Variants in PHACTR1 observed in about 807,000 individuals in gnomAD.
PHACTR1 encodes the protein RPEL repeat containing 1.
Under a neutral mutation model 69.2 loss-of-function variants are expected in PHACTR1, and 16 were observed. The ratio of observed to expected loss-of-function variants is 0.23; its 90% CI spans 0.16 to 0.35. PHACTR1 has a LOEUF of 0.35. Ranked by LOEUF, PHACTR1 falls within the 10% of genes least tolerant of loss-of-function variation. PHACTR1 has a pLI of 1.00. For missense variants in PHACTR1, 510 were observed against 734.7 expected (o/e 0.69, Z 3.54); for synonymous variants, 312 against 284.5 (o/e 1.10, Z -0.97).
At position 13,227,921 on chromosome 6, in the gene PHACTR1, A is replaced by G. The variant is rs757596552; in HGVS notation, c.1092A>G (p.Gln364=). 4.3e-6 allele frequency: 7 copies of G among 1,613,920 alleles called. No homozygotes were observed. The highest frequency in any genetic ancestry group is 1.7e-5 in the Admixed American group (1 of 60,012). ...AGPMGLPEIR[Q]VPTVVIECDD... ...CTATGGGCCTTCCAGAAATAAGACA[A>G]GTGCCAACTGTTGTGATTGAATGTG... The change falls in exon 9 of 15, where the codon CAA becomes CAG. Residue 364 remains glutamine, a synonymous_variant. Coordinates refer to ENST00000332995, the MANE Select transcript of PHACTR1 (RefSeq NM_030948.6).
At chr6:12,821,492 AG>A (rs1776213518) in intron 4 of PHACTR1, among the ~76,000 whole-genome samples, 1 of 145,478 alleles carries the variant, frequency 6.9e-6, no homozygotes, top group Non-Finnish European at 1.5e-5. Context: ...AAAGAGAGAG[AG>A]AGAGAGAGAG....
chr6:13,281,165 G>C, intron 12 of PHACTR1: 2 of 1,259,324 alleles, frequency 1.6e-6, no homozygotes, highest in South Asian at 2.6e-5. Flanking sequence ...CTCTGCCATA[G>C]ATAGGACATT....
intron 4 of PHACTR1, among the ~76,000 whole-genome samples, chr6:12,777,217 G>A (rs7757205): frequency 0.44 from 66,194 of 149,938 alleles, 15,362 homozygotes; most frequent in African/African-American, 0.55. Flanking sequence ...TTCAGACTAC[G>A]GTTTTATATA....
chr6:12,773,787 T>A (rs1213219517), intron 4 of PHACTR1, among the ~76,000 whole-genome samples: 1 of 152,212 alleles, frequency 6.6e-6, no homozygotes, highest in Non-Finnish European at 1.5e-5. Context: ...TTGACAAAAA[T>A]ACCTAATATT....
At position 13,138,950 on chromosome 6, in the gene PHACTR1, A is replaced by T. The variant is rs138212117; in HGVS notation, c.416-21254A>T. ...GAAGAGTTAGGACTTAGGGTTTCAC[A>T]TATAAGCTTACGTTGATTTTCATCC... On this transcript the variant is annotated intron_variant, in intron 5 of 14. Coordinates refer to ENST00000332995, the MANE Select transcript of PHACTR1 (RefSeq NM_030948.6). 2.0e-5 allele frequency among the ~76,000 whole-genome samples: 3 copies of T among 152,336 alleles called. No homozygotes were observed. The East Asian group carries it at 5.8e-4, about 29-fold the overall frequency.
At chr6:12,853,441 C>G (rs1471063224) in intron 4 of PHACTR1, among the ~76,000 whole-genome samples, 2 of 152,068 alleles carry the variant, frequency 1.3e-5, no homozygotes, top group African/African-American at 2.4e-5. Flanking sequence ...TTTTTAAATG[C>G]TAAGTAGAGA....
At chr6:12,963,863 C>T (rs1176289570) in intron 4 of PHACTR1, among the ~76,000 whole-genome samples, 4 of 152,182 alleles carry the variant, frequency 2.6e-5, no homozygotes, top group Non-Finnish European at 5.9e-5. Context: ...AGTATGTTGG[C>T]ACCTGTATTA....
At chr6:13,111,702 C>T (rs941287104) in intron 5 of PHACTR1, among the ~76,000 whole-genome samples, 33 of 152,292 alleles carry the variant, frequency 2.2e-4, no homozygotes, top group Non-Finnish European at 1.8e-4. Context: ...ATCAATAATG[C>T]GTGTTCACAT....
intron 4 of PHACTR1, among the ~76,000 whole-genome samples, chr6:12,903,081 G>A (rs1785369493): frequency 1.3e-5 from 2 of 152,012 alleles, no homozygotes; most frequent in African/African-American, 2.4e-5. Flanking sequence ...GGTGAAGAGC[G>A]AGGGTCCTGC....
intron 5 of PHACTR1, among the ~76,000 whole-genome samples, chr6:13,101,162 A>G (rs555535640): frequency 1.3e-5 from 2 of 152,372 alleles, no homozygotes; most frequent in East Asian, 3.9e-4. Flanking sequence ...TGGAAATTTC[A>G]AGAGCATAGT....
In PHACTR1 at chr6:12,718,961, T is replaced by G. The variant is rs912693742; in HGVS notation, c.103+114T>G. The G allele has an allele frequency of 9.5e-6, 5 of 527,768 alleles. No individual in the cohort carries two copies. The African/African-American group carries it at 9.5e-5, about 10-fold the overall frequency. 32.7% of individuals were successfully genotyped at this position (527,768 alleles called of 1,614,324 possible). A position where few individuals can be genotyped will look rare whatever the true frequency, so the allele number is the denominator to read the frequency against. On this transcript the variant is annotated intron_variant, in intron 3 of 14. Coordinates refer to ENST00000332995, the MANE Select transcript of PHACTR1 (RefSeq NM_030948.6). Reference sequence around the variant, plus strand: ...CTGAAAGTTTAATAACCGGTATTTCTAAGTTGATAACCTCTACCAAACTGC... The same window carrying G: ...CTGAAAGTTTAATAACCGGTATTTCGAAGTTGATAACCTCTACCAAACTGC...
chr6:12,812,037 T>G (rs1775069302), intron 4 of PHACTR1, among the ~76,000 whole-genome samples: 1 of 152,148 alleles, frequency 6.6e-6, no homozygotes, highest in African/African-American at 2.4e-5. Flanking sequence ...CATTTTAAAC[T>G]GTGCAATTCA....
At chr6:13,114,193 G>C (rs1039002070) in intron 5 of PHACTR1, among the ~76,000 whole-genome samples, 3 of 152,042 alleles carry the variant, frequency 2.0e-5, no homozygotes, top group Non-Finnish European at 2.9e-5. Flanking sequence ...GCCAAGACCT[G>C]CTCTAGCTGC....
At chr6:12,948,202 T>G (rs567054978) in intron 4 of PHACTR1, among the ~76,000 whole-genome samples, 1 of 152,344 alleles carries the variant, frequency 6.6e-6, no homozygotes, top group East Asian at 1.9e-4. Flanking sequence ...TGAAAACACC[T>G]AGTGTCAAGT....
intron 4 of PHACTR1, among the ~76,000 whole-genome samples, chr6:12,917,969 C>T (rs1287576325): frequency 6.6e-6 from 1 of 152,162 alleles, no homozygotes; most frequent in Non-Finnish European, 1.5e-5. Context: ...AAAAGAACCA[C>T]AAAAATGCTA....
chr6:13,250,872 G>C (rs1018716642), intron 10 of PHACTR1, among the ~76,000 whole-genome samples: 2 of 152,246 alleles, frequency 1.3e-5, no homozygotes, highest in Admixed American at 6.5e-5. Flanking sequence ...GATAGGAAGA[G>C]ATGTGGCAAG....
intron 4 of PHACTR1, among the ~76,000 whole-genome samples, chr6:13,000,029 T>A (rs1037824206): frequency 1.5e-4 from 23 of 152,252 alleles, no homozygotes; most frequent in African/African-American, 5.5e-4. Context: ...CAGTTAGCAG[T>A]AAGTTCCAAG....
chr6:12,840,029 G>C (rs1449458070), intron 4 of PHACTR1, among the ~76,000 whole-genome samples: 1 of 152,100 alleles, frequency 6.6e-6, no homozygotes, highest in Non-Finnish European at 1.5e-5. Flanking sequence ...TGTAGGAATG[G>C]TGTCAGCCCT....
intron 5 of PHACTR1, among the ~76,000 whole-genome samples, chr6:13,083,326 C>T (rs1212667945): frequency 6.6e-6 from 1 of 152,090 alleles, no homozygotes; most frequent in African/African-American, 2.4e-5. Context: ...GTACCAGTAC[C>T]ATGCTGTTTT....
Sources: gnomAD v4.1 joint callset for allele counts (sites outside exome capture counted in the v4.1 genomes callset) on GRCh38, gnomAD v4.1.1 for gene constraint, MANE v1.5 for transcripts, NCBI Gene and HGNC (gene_info 2026-07-23, HGNC 2026-07-21) for gene names.